The following ZDHHC11B variants were observed in gnomAD, a reference collection of about 807,000 sequenced individuals.
ZDHHC11B encodes the protein zDHHC palmitoyltransferase 11B (putative).
Under a neutral mutation model 42.3 loss-of-function variants are expected in ZDHHC11B, and 17 were observed. The ratio of observed to expected loss-of-function variants is 0.40; its 90% confidence interval spans 0.27 to 0.60. The LOEUF is 0.60. Among genes scored for constraint, ZDHHC11B ranks in the 20% least tolerant of loss-of-function variants. The pLI, the probability that ZDHHC11B is intolerant of heterozygous loss-of-function variation, is 0.41. For synonymous variants in ZDHHC11B, 123 were observed against 193.5 expected, an observed-to-expected ratio of 0.64 and a Z score of 3.02; for missense variants, 262 against 463.2, an observed-to-expected ratio of 0.57 and a Z score of 3.99.
In ZDHHC11B at chr5:767,516, G is replaced by C; in HGVS notation, c.-125C>G. The C allele has an allele frequency of 1.4e-6, 2 of 1,470,924 alleles. No homozygotes were observed. The highest frequency in any genetic ancestry group is 1.9e-6 in the Non-Finnish European group (2 of 1,074,752). The allele number at this position is 1,470,924 out of a possible 1,614,324, so 91.1% of individuals were successfully genotyped here. A position where few individuals can be genotyped will look rare whatever the true frequency, so the allele number is the denominator to read the frequency against. On this transcript the variant is annotated 5_prime_UTR_variant, in exon 3 of 14. Coordinates refer to ENST00000508859, the MANE Select transcript of ZDHHC11B (RefSeq NM_001351303.2). The stretch of plus-strand genomic sequence containing the variant: ...GAAAGCGCAGTAGTGGCACTGGAGA[G>C]AAAGGTGACTGGGAGGAAGAGGAGA...
chr5:739,345 C>T (rs1743901317), intron 10 of ZDHHC11B, among the ~76,000 whole-genome samples: 1 of 151,518 alleles, frequency 6.6e-6, no homozygotes, highest in Non-Finnish European at 1.5e-5. Flanking sequence ...CTTCAGCGAG[C>T]CAAGATCATG....
intron 1 of ZDHHC11B, among the ~76,000 whole-genome samples, chr5:772,414 TC>T (rs533663954): frequency 9.3e-4 from 141 of 151,184 alleles, no homozygotes; most frequent in African/African-American, 3.3e-3. Flanking sequence ...GACACTGCCT[TC>T]AAACGTTCTG....
intron 7 of ZDHHC11B, among the ~76,000 whole-genome samples, chr5:749,181 G>T (rs1234071716): frequency 7.7e-6 from 1 of 129,710 alleles, no homozygotes; most frequent in Non-Finnish European, 1.7e-5. Context: ...CATGGCCCAC[G>T]CTGTGTCCCT....
intron 1 of ZDHHC11B, among the ~76,000 whole-genome samples, chr5:774,735 AGCCT>A (rs1295958984): frequency 2.5e-4 from 13 of 51,148 alleles, no homozygotes; most frequent in African/African-American, 9.3e-4. Flanking sequence ...TTGGGCCTGG[AGCCT>A]ATTACTAGGA....
At chr5:777,509 A>T (rs1736616444) in intron 1 of ZDHHC11B, among the ~76,000 whole-genome samples, 1 of 151,898 alleles carries the variant, frequency 6.6e-6, no homozygotes, top group Non-Finnish European at 1.5e-5. Context: ...TAAGAGCAAA[A>T]GAACAAACTT....
chr5:775,886 G>A lies in ZDHHC11B; in HGVS notation c.-229-6956C>T, dbSNP rs571774975. ...AGGTTGGAGGGGTGGGGGCCGAGGC[G>A]CTCAGCAGTATTCAGGCATCTCTCA... On this transcript the variant is annotated intron_variant, in intron 1 of 13. Coordinates refer to ENST00000508859, the MANE Select transcript of ZDHHC11B (RefSeq NM_001351303.2). Among the ~76,000 whole-genome samples, 6 of 148,660 alleles carry A rather than the reference G, an allele frequency of 4.0e-5. No homozygotes were observed. In the South Asian group the frequency reaches 1.1e-3, roughly 27 times the overall value.
chr5:712,390 GA>G (rs1397365020), intron 13 of ZDHHC11B, 108 bp from the exon 14 acceptor site: 45 of 148,144 alleles, frequency 3.0e-4, no homozygotes, highest in African/African-American at 1.0e-3. Context: ...GTTGCCTGGA[GA>G]GGCAGGGCTG....
intron 8 of ZDHHC11B, among the ~76,000 whole-genome samples, chr5:746,764 G>A (rs1204441695): frequency 6.7e-6 from 1 of 149,708 alleles, no homozygotes; most frequent in Admixed American, 6.8e-5. Flanking sequence ...CCCCCCACGT[G>A]CTCAGCACAC....
intron 10 of ZDHHC11B, among the ~76,000 whole-genome samples, chr5:741,167 G>A (rs1322714400): frequency 8.1e-6 from 1 of 124,180 alleles, no homozygotes; most frequent in African/African-American, 2.8e-5. Flanking sequence ...CCGGGTCAAG[G>A]CACCCCCAGT....
intron 12 of ZDHHC11B, among the ~76,000 whole-genome samples, chr5:722,441 G>A (rs1418212981): frequency 6.6e-6 from 1 of 151,574 alleles, no homozygotes; most frequent in African/African-American, 2.4e-5. Context: ...TGACTCACAT[G>A]TGTTCAGATT....
intron 1 of ZDHHC11B, among the ~76,000 whole-genome samples, chr5:779,454 CCCTTGGGGGTCCA>C (rs1341995294): frequency 6.7e-6 from 1 of 149,660 alleles, no homozygotes; most frequent in Non-Finnish European, 1.5e-5. Flanking sequence ...GCTCCAGAGG[CCCTTGGGGGTCCA>C]CCTAAGCCAG....
intron 10 of ZDHHC11B, among the ~76,000 whole-genome samples, chr5:740,320 C>T (rs1228817634): frequency 1.2e-5 from 1 of 86,250 alleles, no homozygotes; most frequent in Non-Finnish European, 2.7e-5. Flanking sequence ...CGGTGGCTCA[C>T]GTCTGTAATC....
At chr5:758,259 G>A (rs1734122652) in intron 4 of ZDHHC11B, among the ~76,000 whole-genome samples, 2 of 151,970 alleles carry the variant, frequency 1.3e-5, no homozygotes, top group African/African-American at 4.8e-5. Flanking sequence ...CCTCTGCAGA[G>A]CTGGAGCAGC....
intron 9 of ZDHHC11B, among the ~76,000 whole-genome samples, 153 bp from the exon 10 acceptor site, chr5:741,781 G>A (rs71224588): frequency 0.089 from 12,948 of 145,242 alleles, 666 homozygotes; most frequent in African/African-American, 0.26. Context: ...AACCACTTAC[G>A]TGTGCACGTG....
chr5:730,996 G>A (rs539043919), intron 11 of ZDHHC11B, among the ~76,000 whole-genome samples: 2 of 152,092 alleles, frequency 1.3e-5, no homozygotes, highest in Admixed American at 6.5e-5. Flanking sequence ...AACGCCCCAT[G>A]TGTGGTTCCT....
rs559115735 is a variant in ZDHHC11B, at chr5:728,553, C to G, written c.1058+1881G>C. Among the ~76,000 whole-genome samples, 74 of 152,042 alleles carry G rather than the reference C, an allele frequency of 4.9e-4. 2 individuals are homozygous for G. The South Asian group carries it at 0.015, about 30-fold the overall frequency. ...ATTTCCTGACAAGAATAAAACACAT[C>G]TATATGAAACGTCATGAGTGTAATC... On this transcript the variant is annotated intron_variant, in intron 12 of 13. Coordinates refer to ENST00000508859, the MANE Select transcript of ZDHHC11B (RefSeq NM_001351303.2).
rs1347227657 is a variant in ZDHHC11B at position 748,630 on chromosome 5, A to T, written c.629-71T>A. 5 of 1,286,772 alleles carry T rather than the reference A, an allele frequency of 3.9e-6. 1 individual carries two copies. Among genetic ancestry groups the T allele is most frequent in the Non-Finnish European group, 5.1e-6 (5 of 971,868 alleles). 79.7% of individuals were successfully genotyped at this position (1,286,772 alleles called of 1,614,324 possible). On this transcript the variant is annotated intron_variant, in intron 7 of 13. Coordinates refer to ENST00000508859, the MANE Select transcript of ZDHHC11B (RefSeq NM_001351303.2). ...GTGCCACATCAGGTGGATGTCACAGACCAGAGCTTGCTGGGGATGGGGCGG... is the reference window on the plus strand; with the variant it reads ...GTGCCACATCAGGTGGATGTCACAGTCCAGAGCTTGCTGGGGATGGGGCGG...
At chr5:727,500 T>C (rs543756342) in intron 12 of ZDHHC11B, among the ~76,000 whole-genome samples, 3 of 143,450 alleles carry the variant, frequency 2.1e-5, no homozygotes, top group Admixed American at 1.4e-4. Flanking sequence ...AGTTTAAAAA[T>C]TGTCAAAACT....
chr5:718,076 A>G (rs1224531645), intron 12 of ZDHHC11B, among the ~76,000 whole-genome samples: 2 of 151,926 alleles, frequency 1.3e-5, no homozygotes, highest in Non-Finnish European at 2.9e-5. Flanking sequence ...GAGAATAAAA[A>G]GAAAAGAAAA....
Sources: gnomAD v4.1 joint callset for allele counts (sites outside exome capture counted in the v4.1 genomes callset) on GRCh38, gnomAD v4.1.1 for gene constraint, MANE v1.5 for transcripts, NCBI Gene and HGNC (gene_info 2026-07-23, HGNC 2026-07-21) for gene names.